Variants in SLAMF6 observed in about 807,000 individuals in gnomAD.
The protein encoded by SLAMF6 is NK-T-B-antigen.
In SLAMF6, 21 loss-of-function variants were observed where a neutral mutation model predicts 38.3. That is an observed-to-expected ratio of 0.55 (90% CI 0.39 to 0.79). SLAMF6 has a LOEUF of 0.79. SLAMF6 is among the 30% of genes least tolerant of loss of function. The pLI is 0.00. For missense variants in SLAMF6, 341 were observed against 385.3 expected, an observed-to-expected ratio of 0.89 and a Z score of 0.96; for synonymous variants, 152 against 146.3, an observed-to-expected ratio of 1.04 and a Z score of -0.28.
At chr1:160,496,890 C>A (rs1653611003) in intron 1 of SLAMF6, among the ~76,000 whole-genome samples, 1 of 152,196 alleles carries the variant, frequency 6.6e-6, no homozygotes, top group African/African-American at 2.4e-5. Context: ...ATAGGATAGT[C>A]AGTTCTTCTT....
chr1:160,488,830 T>C (rs148850341), intron 6 of SLAMF6, among the ~76,000 whole-genome samples: 2 of 152,320 alleles, frequency 1.3e-5, no homozygotes, highest in African/African-American at 4.8e-5. Flanking sequence ...AGCTTGTAAT[T>C]AAGCTGAAGG....
At chr1:160,490,823 G>A (rs1571282045) in intron 3 of SLAMF6, 138 bp from the exon 4 acceptor site, 1 of 1,344,466 alleles carries the variant, frequency 7.4e-7, no homozygotes, top group South Asian at 1.6e-5. Context: ...TGGGGTGGGA[G>A]TCCTATGTGG....
intron 1 of SLAMF6, among the ~76,000 whole-genome samples, chr1:160,505,419 T>G (rs1361336789): frequency 1.3e-5 from 2 of 152,192 alleles, no homozygotes; most frequent in Non-Finnish European, 2.9e-5. Flanking sequence ...TGTCTTTTTT[T>G]GAGACAGGGT....
At chr1:160,492,191 C>G (rs1639175430) in intron 2 of SLAMF6, among the ~76,000 whole-genome samples, 1 of 152,148 alleles carries the variant, frequency 6.6e-6, no homozygotes, top group Admixed American at 6.6e-5. Context: ...GAAAAGGCCA[C>G]TGACTTAGCC....
intron 1 of SLAMF6, among the ~76,000 whole-genome samples, chr1:160,500,967 G>A (rs974416013): frequency 5.9e-5 from 9 of 152,232 alleles, no homozygotes; most frequent in East Asian, 5.8e-4. Context: ...TTTTATCTAT[G>A]GCTATTTATG....
chr1:160,507,334 A>G (rs1654240582), intron 1 of SLAMF6, among the ~76,000 whole-genome samples: 1 of 152,134 alleles, frequency 6.6e-6, no homozygotes, highest in Non-Finnish European at 1.5e-5. Context: ...ACCCTGCAAA[A>G]AGTTATAACA....
chr1:160,521,759 G>A (rs1654995309), intron 1 of SLAMF6, among the ~76,000 whole-genome samples: 1 of 152,004 alleles, frequency 6.6e-6, no homozygotes, highest in African/African-American at 2.4e-5. Context: ...GTCCAAAATT[G>A]AACTCACCTT....
chr1:160,514,343 C>T (rs542210017), intron 1 of SLAMF6, among the ~76,000 whole-genome samples: 1 of 152,276 alleles, frequency 6.6e-6, no homozygotes, highest in Admixed American at 6.5e-5. Flanking sequence ...AATACAAAAG[C>T]AGATTCCTAA....
chr1:160,496,317 C>T lies in SLAMF6; in HGVS notation c.126G>A (p.Leu42=). The T allele has an allele frequency of 1.2e-6, 2 of 1,613,962 alleles. No homozygotes were observed. Among genetic ancestry groups the T allele is most frequent in the Non-Finnish European group, 1.7e-6 (2 of 1,179,916 alleles). ...GILGESVTLP[L]EFPAGEKVNF... is the part of the protein sequence containing the mutation. ...TGACCTTCTCTCCTGCAGGAAACTC[C>T]AGGGGAAGAGTTACTGACTCCCCCA... is the stretch of plus-strand genomic sequence containing the variant. The change falls in exon 2 of 8, where the codon CTG becomes CTA. Residue 42 remains leucine, a synonymous_variant. Transcript: ENST00000368057.
chr1:160,487,022 T>C, intron 7 of SLAMF6, 82 bp downstream of exon 7: 1 of 1,304,086 alleles, frequency 7.7e-7, no homozygotes, highest in Non-Finnish European at 1.1e-6. Flanking sequence ...AAAATGACCC[T>C]TTTATTTTTA....
chr1:160,513,078 G>T (rs918031373), intron 1 of SLAMF6, among the ~76,000 whole-genome samples: 1 of 152,176 alleles, frequency 6.6e-6, no homozygotes, highest in African/African-American at 2.4e-5. Flanking sequence ...AGCTAAAGGA[G>T]TATGTTCTAA....
chr1:160,504,035 G>A (rs75209900), intron 1 of SLAMF6, among the ~76,000 whole-genome samples: 18 of 3,784 alleles, frequency 4.8e-3, no homozygotes, highest in South Asian at 0.013. Flanking sequence ...AAAAAAAAAA[G>A]CAAAAGAAAA....
chr1:160,513,700 T>C (rs1156461848), intron 1 of SLAMF6, among the ~76,000 whole-genome samples: 3 of 151,960 alleles, frequency 2.0e-5, no homozygotes, highest in African/African-American at 4.8e-5. Context: ...AGATTGGGGG[T>C]CAATATTCAA....
At position 160,486,581 on chromosome 1, in the gene SLAMF6, C is replaced by A; in HGVS notation, c.*126G>T. On this transcript the variant is annotated 3_prime_UTR_variant, in exon 8 of 8. Transcript: ENST00000368057. ...TTAAGTCCGAAGGACTGGAGGTGAT[C>A]ATCCTATCCTAGATATTCAAATTCT... 1.1e-6 allele frequency: 1 copy of A among 952,032 alleles called. No homozygotes were observed. The highest frequency in any genetic ancestry group is 1.6e-6 in the Non-Finnish European group (1 of 614,666). 59.0% of individuals were successfully genotyped at this position (952,032 alleles called of 1,614,324 possible). A position where few individuals can be genotyped will look rare whatever the true frequency, so the allele number is the denominator to read the frequency against.
chr1:160,508,074 C>G (rs1654280735), intron 1 of SLAMF6, among the ~76,000 whole-genome samples: 1 of 152,020 alleles, frequency 6.6e-6, no homozygotes, highest in Admixed American at 6.5e-5. Context: ...ATGAAAATGG[C>G]CATACTGCCC....
intron 1 of SLAMF6, among the ~76,000 whole-genome samples, chr1:160,508,944 T>C (rs908792024): frequency 3.3e-5 from 5 of 151,886 alleles, no homozygotes; most frequent in Non-Finnish European, 7.4e-5. Context: ...CAAACCAAAA[T>C]CACAATGAGA....
At chr1:160,501,092 G>C (rs1205470180) in intron 1 of SLAMF6, among the ~76,000 whole-genome samples, 2 of 152,132 alleles carry the variant, frequency 1.3e-5, no homozygotes, top group African/African-American at 4.8e-5. Context: ...TTATTTATTT[G>C]TTTGTTTGTT....
chr1:160,486,082 A>AT lies in SLAMF6; in HGVS notation c.*624dup, dbSNP rs1280431932. ...TATCCAAAATGCTCCAAAATCTGAG[A>AT]TTTTGAGCACTGCATCGACATCAAT... is the stretch of plus-strand genomic sequence containing the variant. On this transcript the variant is annotated 3_prime_UTR_variant, in exon 8 of 8. Coordinates refer to ENST00000368057, the MANE Select transcript of SLAMF6 (RefSeq NM_001184714.2). 1 of 152,420 alleles carries AT rather than the reference A, an allele frequency of 6.6e-6. No homozygotes were observed. The highest frequency in any genetic ancestry group is 2.4e-5 in the African/African-American group (1 of 41,450). 9.4% of individuals were successfully genotyped at this position (152,420 alleles called of 1,614,324 possible).
rs1653282205 is a variant in SLAMF6, at chr1:160,491,287, C to T, written c.484G>A (p.Val162Ile). 4 of 1,614,072 alleles carry T rather than the reference C, an allele frequency of 2.5e-6. No individual in the cohort carries two copies. The highest frequency in any genetic ancestry group is 1.6e-4 in the Middle Eastern group (1 of 6,062). ...TCSVEDADDN[V>I]SFRWEALGNT... is the part of the protein sequence containing the mutation. ...CCCAAGGCCTCCCATCTGAATGAGA[C>T]ATTGTCATCTGCATCCTCCACAGAG... is the stretch of plus-strand genomic sequence containing the variant. The change falls in exon 3 of 8, where the codon GTC (valine) becomes ATC (isoleucine). Residue 162 changes from valine to isoleucine, a missense_variant. By Grantham distance (29) the Val-to-Ile change is conservative. Transcript: ENST00000368057.
Sources: gnomAD v4.1 joint callset for allele counts (sites outside exome capture counted in the v4.1 genomes callset) on GRCh38, gnomAD v4.1.1 for gene constraint, MANE v1.5 for transcripts, NCBI Gene and HGNC (gene_info 2026-07-23, HGNC 2026-07-21) for gene names.